Variants in SCLT1 observed in about 807,000 individuals in gnomAD.
The protein encoded by SCLT1 is sodium channel-associated protein 1.
A neutral mutation model predicts 112.8 loss-of-function variants in SCLT1; 78 were observed. The ratio of observed to expected loss-of-function variants is 0.69; its 90% CI spans 0.58 to 0.83. The LOEUF (loss-of-function observed/expected upper bound fraction) is 0.83, where lower values mean the gene tolerates loss of function less well. SCLT1 is among the 40% of genes least tolerant of loss of function. The pLI is 0.00. For synonymous variants in SCLT1, 257 were observed against 254.7 expected, an observed-to-expected ratio of 1.01 and a Z score of -0.09; for missense variants, 747 against 770.4, an observed-to-expected ratio of 0.97 and a Z score of 0.36.
Position 128,933,693 on chromosome 4 carries a change from C to A in SCLT1, c.1829+2962G>T, listed in dbSNP as rs953599745. On this transcript the variant is annotated intron_variant, in intron 18 of 20. Transcript: ENST00000281142. ...TGAACTAGAGAATACACGTTCTTAACGAGTAAAATACATCTTGAGTTCATA... is the reference window on the plus strand; with the variant it reads ...TGAACTAGAGAATACACGTTCTTAAAGAGTAAAATACATCTTGAGTTCATA... Among the ~76,000 whole-genome samples the A allele has an allele frequency of 3.6e-4, 55 of 152,054 alleles. 1 individual carries two copies. Among genetic ancestry groups the A allele is most frequent in the Admixed American group, 3.4e-3 (52 of 15,258 alleles).
At chr4:128,932,284 G>A (rs1399812008) in intron 18 of SCLT1, among the ~76,000 whole-genome samples, 1 of 151,934 alleles carries the variant, frequency 6.6e-6, no homozygotes, top group Admixed American at 6.6e-5. Context: ...AATAAAAATT[G>A]AATTTATAAG....
chr4:129,054,862 A>C (rs1749205189), intron 2 of SCLT1, among the ~76,000 whole-genome samples: 1 of 152,062 alleles, frequency 6.6e-6, no homozygotes, highest in African/African-American at 2.4e-5. Context: ...ACATTTTTGC[A>C]CTGGTTTTTC....
intron 18 of SCLT1, among the ~76,000 whole-genome samples, chr4:128,914,283 A>G (rs1735312290): frequency 1.3e-5 from 2 of 151,976 alleles, no homozygotes; most frequent in Admixed American, 1.3e-4. Flanking sequence ...AGAGAATGGC[A>G]TGAACCCAGG....
intron 5 of SCLT1, among the ~76,000 whole-genome samples, chr4:129,024,472 A>T (rs1579743879): frequency 6.6e-6 from 1 of 152,198 alleles, no homozygotes. Flanking sequence ...ACTCCAACAG[A>T]CCTGCCGCTG....
At chr4:129,083,254 T>C (rs1379082854) in intron 1 of SCLT1, among the ~76,000 whole-genome samples, 5 of 151,370 alleles carry the variant, frequency 3.3e-5, no homozygotes, top group African/African-American at 4.8e-5. Context: ...ACCATACTTT[T>C]ATTTACATCA....
In SCLT1 at chr4:129,029,114, T is replaced by C. The variant is rs1201090081; in HGVS notation, c.290+9927A>G. Among the ~76,000 whole-genome samples, 4 of 152,284 alleles carry C rather than the reference T, an allele frequency of 2.6e-5. No individual in the cohort carries two copies. In the East Asian group the frequency reaches 7.7e-4, roughly 29 times the overall value. ...GTAGTTCAACCCTTGTGGAAGTAAG[T>C]GTGGCAATTCCTCAGGGATCTAGAA... On this transcript the variant is annotated intron_variant, in intron 5 of 20. Transcript: ENST00000281142.
intron 6 of SCLT1, among the ~76,000 whole-genome samples, chr4:129,002,503 A>C (rs559028071): frequency 2.3e-4 from 35 of 152,260 alleles, no homozygotes; most frequent in Non-Finnish European, 4.7e-4. Flanking sequence ...GAAAAATACA[A>C]ATTTAGAGAA....
intron 18 of SCLT1, among the ~76,000 whole-genome samples, chr4:128,893,049 A>C (rs1418584927): frequency 6.6e-6 from 1 of 152,260 alleles, no homozygotes; most frequent in Admixed American, 6.5e-5. Context: ...GGTAAAAGTT[A>C]CGCATATTAG....
chr4:128,959,874 AAC>A, intron 11 of SCLT1, 97 bp from the exon 12 acceptor site: 1 of 862,234 alleles, frequency 1.2e-6, no homozygotes, highest in Non-Finnish European at 1.8e-6. Context: ...TTATGCCAGT[AAC>A]TTTCACATGT....
chr4:129,088,341 C>A (rs1214103388), intron 1 of SCLT1, among the ~76,000 whole-genome samples: 1 of 152,106 alleles, frequency 6.6e-6, no homozygotes, highest in African/African-American at 2.4e-5. Context: ...GATAAAAACT[C>A]TCAGCAAATT....
chr4:128,909,731 TAG>T (rs1734948458), intron 18 of SCLT1, among the ~76,000 whole-genome samples: 1 of 152,230 alleles, frequency 6.6e-6, no homozygotes, highest in Non-Finnish European at 1.5e-5. Context: ...GAATAATATG[TAG>T]ACTAGGAATA....
At chr4:129,092,944 TGCAACTAAC>T in intron 1 of SCLT1, 117 bp downstream of exon 1, 3 of 729,696 alleles carry the variant, frequency 4.1e-6, no homozygotes, top group South Asian at 1.6e-5. Flanking sequence ...TTTTTTTTCC[TGCAACTAAC>T]TTCTTTAACT....
intron 11 of SCLT1, 31 bp from the exon 12 acceptor site, chr4:128,959,808 A>C (rs774141511): frequency 6.4e-7 from 1 of 1,570,370 alleles, no homozygotes; most frequent in Admixed American, 1.7e-5. Context: ...TGGGAAAGTT[A>C]AACTTTTTTA....
intron 6 of SCLT1, among the ~76,000 whole-genome samples, chr4:129,002,525 T>C (rs895454634): frequency 1.3e-5 from 2 of 152,122 alleles, no homozygotes; most frequent in Admixed American, 6.6e-5. Context: ...TAATGGATTT[T>C]TTCCTTTAAA....
intron 17 of SCLT1, among the ~76,000 whole-genome samples, chr4:128,941,554 GT>G (rs1737694872): frequency 6.6e-6 from 1 of 151,802 alleles, no homozygotes; most frequent in Non-Finnish European, 1.5e-5. Context: ...ATTGGTAAAA[GT>G]TTTTATATTT....
chr4:128,926,518 T>C (rs760373624), intron 18 of SCLT1, among the ~76,000 whole-genome samples: 32 of 152,118 alleles, frequency 2.1e-4, no homozygotes, highest in Non-Finnish European at 4.6e-4. Context: ...TGAGCAGCAG[T>C]TGAGAATTCA....
downstream of SCLT1, among the ~76,000 whole-genome samples, chr4:128,883,360 T>C (rs188688660): frequency 3.3e-5 from 5 of 151,764 alleles, no homozygotes; most frequent in African/African-American, 9.7e-5. Context: ...CAGCTTCAAT[T>C]CTCAGCTCCA....
At chr4:128,934,894 A>G (rs567364722) in intron 18 of SCLT1, among the ~76,000 whole-genome samples, 2 of 152,128 alleles carry the variant, frequency 1.3e-5, no homozygotes, top group East Asian at 1.9e-4. Context: ...TCAGTCTTCA[A>G]AAGAATGTTA....
At chr4:129,048,238 G>C (rs1225625210) in intron 2 of SCLT1, among the ~76,000 whole-genome samples, 1 of 152,090 alleles carries the variant, frequency 6.6e-6, no homozygotes, top group East Asian at 1.9e-4. Flanking sequence ...ATACTACAAG[G>C]CTACAGAAAC....
Sources: gnomAD v4.1 joint callset for allele counts (sites outside exome capture counted in the v4.1 genomes callset) on GRCh38, gnomAD v4.1.1 for gene constraint, MANE v1.5 for transcripts, NCBI Gene and HGNC (gene_info 2026-07-23, HGNC 2026-07-21) for gene names.